PLXDC2: variants seen among roughly 807,000 people sequenced by gnomAD.
The protein encoded by PLXDC2 is plexin domain-containing protein 2.
PLXDC2 carries 40 observed loss-of-function variants against 68.9 expected under a neutral mutation model. The ratio of observed to expected loss-of-function variants is 0.58; its 90% CI spans 0.45 to 0.76. PLXDC2 has a LOEUF of 0.76. Ranked by LOEUF, PLXDC2 falls within the 30% of genes least tolerant of loss-of-function variation. The probability of loss-of-function intolerance (pLI) is 0.00; values close to 1 mark genes in which losing one functional copy is unlikely to be tolerated. For missense variants in PLXDC2, 644 were observed against 661.9 expected (o/e 0.97, Z 0.30); for synonymous variants, 243 against 234.2 (o/e 1.04, Z -0.34).
At chr10:19,939,499 C>T (rs895296804) in intron 1 of PLXDC2, among the ~76,000 whole-genome samples, 1 of 151,256 alleles carries the variant, frequency 6.6e-6, no homozygotes, top group Non-Finnish European at 1.5e-5. Context: ...CTCCAAGATG[C>T]CAAAAAAAAA....
intron 13 of PLXDC2, among the ~76,000 whole-genome samples, chr10:20,270,958 G>GA (rs141776302): frequency 0.42 from 60,851 of 145,674 alleles, 13,964 homozygotes; most frequent in African/African-American, 0.64. Context: ...AAAAAAACTG[G>GA]AAAAAAAAAA....
At chr10:20,028,251 G>C (rs1457423796) in intron 2 of PLXDC2, among the ~76,000 whole-genome samples, 3 of 152,142 alleles carry the variant, frequency 2.0e-5, no homozygotes, top group Non-Finnish European at 4.4e-5. Context: ...ACGTGGCCTG[G>C]GGTTTGGAAT....
intron 1 of PLXDC2, among the ~76,000 whole-genome samples, chr10:19,853,346 T>A (rs1163614202): frequency 6.6e-6 from 1 of 152,190 alleles, no homozygotes; most frequent in African/African-American, 2.4e-5. Flanking sequence ...TAATTAGATT[T>A]TACCACTTTG....
intron 1 of PLXDC2, among the ~76,000 whole-genome samples, chr10:19,848,735 G>T (rs1837060342): frequency 6.6e-6 from 1 of 152,070 alleles, no homozygotes; most frequent in African/African-American, 2.4e-5. Context: ...CCTTCCTGTG[G>T]CTGTGTTGTA....
chr10:19,946,408 C>G (rs1475051060), intron 1 of PLXDC2, among the ~76,000 whole-genome samples: 1 of 152,116 alleles, frequency 6.6e-6, no homozygotes, highest in East Asian at 1.9e-4. Flanking sequence ...TTTCCCTCCC[C>G]TGACCCCCTG....
At chr10:19,893,387 T>C (rs1224485638) in intron 1 of PLXDC2, among the ~76,000 whole-genome samples, 1 of 152,244 alleles carries the variant, frequency 6.6e-6, no homozygotes, top group Non-Finnish European at 1.5e-5. Flanking sequence ...TGACCGCTTA[T>C]AATAAAGTAG....
At chr10:19,881,927 G>T (rs992075114) in intron 1 of PLXDC2, among the ~76,000 whole-genome samples, 4 of 152,190 alleles carry the variant, frequency 2.6e-5, no homozygotes, top group Non-Finnish European at 4.4e-5. Flanking sequence ...CTAACTGAAA[G>T]AATGCCTAGC....
chr10:20,243,292 G>C (rs2119330288), intron 12 of PLXDC2, among the ~76,000 whole-genome samples: 1 of 152,216 alleles, frequency 6.6e-6, no homozygotes, highest in African/African-American at 2.4e-5. Context: ...CTATAAAACA[G>C]AAATAATAAT....
At chr10:20,044,266 TTTCTTTCTTTCTTTCTTTCTTTCTTTC>T (rs1413949654) in intron 2 of PLXDC2, among the ~76,000 whole-genome samples, 5 of 131,474 alleles carry the variant, frequency 3.8e-5, no homozygotes, top group African/African-American at 1.6e-4. Flanking sequence ...TCTTTCTTTC[TTTCTTTCTTTCTTTCTTTCTTTCTTTC>T]TTCTTTCTCT....
At chr10:19,880,367 A>G (rs560883394) in intron 1 of PLXDC2, among the ~76,000 whole-genome samples, 27 of 152,342 alleles carry the variant, frequency 1.8e-4, no homozygotes, top group Non-Finnish European at 3.4e-4. Context: ...CTGTACATAC[A>G]TGCCTATGAT....
intron 2 of PLXDC2, among the ~76,000 whole-genome samples, chr10:20,021,179 T>C (rs2131657697): frequency 1.3e-5 from 2 of 149,306 alleles, no homozygotes; most frequent in Admixed American, 1.3e-4. Flanking sequence ...CTTCTTATGG[T>C]AACTTTATCC....
chr10:20,122,774 C>T (rs1202257197), intron 4 of PLXDC2, among the ~76,000 whole-genome samples: 8 of 152,064 alleles, frequency 5.3e-5, no homozygotes, highest in South Asian at 2.1e-4. Flanking sequence ...ACCTTGAAGG[C>T]GAGGTTAATT....
At chr10:19,940,337 A>G (rs912611198) in intron 1 of PLXDC2, among the ~76,000 whole-genome samples, 25 of 152,266 alleles carry the variant, frequency 1.6e-4, no homozygotes, top group African/African-American at 6.0e-4. Context: ...GCACGTTAAC[A>G]TTCAGAATGA....
At chr10:20,103,932 C>T (rs1253226786) in intron 4 of PLXDC2, among the ~76,000 whole-genome samples, 5 of 152,170 alleles carry the variant, frequency 3.3e-5, no homozygotes, top group Non-Finnish European at 7.4e-5. Context: ...CGTGAGCCAC[C>T]GTGCCCGGCT....
intron 6 of PLXDC2, among the ~76,000 whole-genome samples, chr10:20,153,278 G>A (rs1156571714): frequency 6.6e-6 from 1 of 152,146 alleles, no homozygotes; most frequent in Non-Finnish European, 1.5e-5. Context: ...ATTCAGTCAT[G>A]TATTGAAAAG....
intron 9 of PLXDC2, among the ~76,000 whole-genome samples, chr10:20,193,285 A>G (rs932498109): frequency 1.3e-5 from 2 of 152,128 alleles, no homozygotes; most frequent in African/African-American, 4.8e-5. Context: ...AATGGAGGAT[A>G]CATAACAAAT....
chr10:20,061,178 A>G (rs113923355), intron 3 of PLXDC2, among the ~76,000 whole-genome samples: 2 of 152,152 alleles, frequency 1.3e-5, no homozygotes, highest in South Asian at 2.1e-4. Context: ...CTTTATTCCA[A>G]TTTTGCTAAT....
chr10:20,194,419 CAT>C (rs1478253968), intron 9 of PLXDC2, among the ~76,000 whole-genome samples: 1 of 151,802 alleles, frequency 6.6e-6, no homozygotes, highest in Non-Finnish European at 1.5e-5. Flanking sequence ...AAGGGAAAAA[CAT>C]AATGTTTTTT....
intron 4 of PLXDC2, among the ~76,000 whole-genome samples, chr10:20,137,754 T>C (rs2131783946): frequency 6.6e-6 from 1 of 152,362 alleles, no homozygotes; most frequent in East Asian, 1.9e-4. Context: ...AAAAACTGAT[T>C]CGTGGCCAGG....
Sources: allele counts gnomAD v4.1 joint callset (sites outside exome capture counted in the v4.1 genomes callset), GRCh38; gene constraint gnomAD v4.1.1; transcripts MANE v1.5; gene names NCBI Gene and HGNC (gene_info 2026-07-23, HGNC 2026-07-21).